The following KCNH8 variants were observed in gnomAD, a reference collection of about 807,000 sequenced individuals.
KCNH8 encodes voltage-gated delayed rectifier potassium channel KCNH8.
In KCNH8, 70 loss-of-function variants were observed where a neutral mutation model predicts 103.6. The observed-to-expected ratio is 0.68, with a 90% CI of 0.56 to 0.82. KCNH8 has a LOEUF of 0.82. Among genes scored for constraint, KCNH8 ranks in the 40% least tolerant of loss-of-function variants. The pLI is 0.00. For missense variants in KCNH8, 1,217 were observed against 1,329.9 expected (o/e 0.92, Z 1.32); for synonymous variants, 498 against 489.4 (o/e 1.02, Z -0.23).
At chr3:19,375,654 TCC>T (rs1281464716) in intron 5 of KCNH8, among the ~76,000 whole-genome samples, 3 of 152,250 alleles carry the variant, frequency 2.0e-5, no homozygotes, top group Non-Finnish European at 4.4e-5. Context: ...GGTGAGGAAC[TCC>T]GTTCCTTTGG....
intron 7 of KCNH8, among the ~76,000 whole-genome samples, chr3:19,435,969 T>C (rs1396354349): frequency 6.6e-6 from 1 of 151,992 alleles, no homozygotes; most frequent in Non-Finnish European, 1.5e-5. Flanking sequence ...ATCTAAAGAG[T>C]AAAATAATAA....
At chr3:19,182,961 T>C (rs976063419) in intron 1 of KCNH8, among the ~76,000 whole-genome samples, 4 of 152,222 alleles carry the variant, frequency 2.6e-5, no homozygotes, top group Non-Finnish European at 5.9e-5. Flanking sequence ...TGAATGATCT[T>C]GGATACAGAA....
chr3:19,277,658 A>C (rs572950964), intron 2 of KCNH8, among the ~76,000 whole-genome samples: 161 of 152,312 alleles, frequency 1.1e-3, no homozygotes, highest in Non-Finnish European at 2.1e-3. Context: ...CTTGTTTCCC[A>C]ATCAAGAAAA....
intron 11 of KCNH8, among the ~76,000 whole-genome samples, chr3:19,478,625 T>A (rs2125210974): frequency 6.6e-6 from 1 of 152,284 alleles, no homozygotes; most frequent in East Asian, 1.9e-4. Context: ...ACAAGCCAAA[T>A]GTGGCCAACT....
At chr3:19,211,673 C>G (rs1450186386) in intron 1 of KCNH8, among the ~76,000 whole-genome samples, 3 of 152,074 alleles carry the variant, frequency 2.0e-5, no homozygotes, top group Non-Finnish European at 2.9e-5. Flanking sequence ...TATTCTTTAA[C>G]ACATAGCCAG....
intron 3 of KCNH8, among the ~76,000 whole-genome samples, chr3:19,318,227 C>T (rs1439096610): frequency 6.6e-6 from 1 of 151,868 alleles, no homozygotes; most frequent in African/African-American, 2.4e-5. Flanking sequence ...AGTCCATTTT[C>T]ACATTGCTAT....
chr3:19,260,487 G>GAGATATAT (rs2064416559), intron 2 of KCNH8, among the ~76,000 whole-genome samples: 2 of 40,034 alleles, frequency 5.0e-5, no homozygotes, highest in East Asian at 1.6e-3. Context: ...TACTCTATAG[G>GAGATATAT]ATATATATAT....
intron 4 of KCNH8, chr3:19,346,774 C>G: frequency 4.6e-6 from 2 of 435,260 alleles, no homozygotes; most frequent in Non-Finnish European, 9.3e-6. Context: ...TCTGTTAATT[C>G]AACTAAACTT....
intron 1 of KCNH8, among the ~76,000 whole-genome samples, chr3:19,219,509 T>G (rs143679939): frequency 6.6e-6 from 1 of 152,308 alleles, no homozygotes; most frequent in East Asian, 1.9e-4. Flanking sequence ...AGCATTCCCA[T>G]TTTTCTTTGT....
intron 1 of KCNH8, among the ~76,000 whole-genome samples, chr3:19,248,051 A>G (rs2064228174): frequency 6.6e-6 from 1 of 152,190 alleles, no homozygotes; most frequent in African/African-American, 2.4e-5. Flanking sequence ...TAAAAGTTTT[A>G]CAGGCCCATA....
At chr3:19,184,502 C>T (rs2063484497) in intron 1 of KCNH8, among the ~76,000 whole-genome samples, 1 of 151,882 alleles carries the variant, frequency 6.6e-6, no homozygotes, top group African/African-American at 2.4e-5. Context: ...TAAAGAAAAA[C>T]TGAAAAATCT....
intron 1 of KCNH8, among the ~76,000 whole-genome samples, chr3:19,248,156 C>T (rs1233668798): frequency 6.6e-6 from 1 of 152,004 alleles, no homozygotes; most frequent in Non-Finnish European, 1.5e-5. Context: ...GATTTGAAAA[C>T]AATATCAGGC....
chr3:19,322,782 C>T (rs1348876920), intron 3 of KCNH8, among the ~76,000 whole-genome samples: 1 of 152,198 alleles, frequency 6.6e-6, no homozygotes, highest in African/African-American at 2.4e-5. Flanking sequence ...TCCCCTCTAA[C>T]ATGTTTTCCA....
At chr3:19,376,323 C>G (rs150515977) in intron 5 of KCNH8, among the ~76,000 whole-genome samples, 1 of 152,154 alleles carries the variant, frequency 6.6e-6, no homozygotes, top group Admixed American at 6.5e-5. Context: ...TGAAGCCGGT[C>G]GGAAAAGCGC....
intron 7 of KCNH8, among the ~76,000 whole-genome samples, chr3:19,403,361 AATATAT>A (rs57523893): frequency 0.014 from 1,697 of 124,492 alleles, 45 homozygotes; most frequent in East Asian, 0.064. Flanking sequence ...ATATGTAAAG[AATATAT>A]ATATATATAT....
chr3:19,426,415 T>A (rs1014265310), intron 7 of KCNH8, among the ~76,000 whole-genome samples: 2 of 151,958 alleles, frequency 1.3e-5, no homozygotes, highest in Non-Finnish European at 2.9e-5. Context: ...TAGGCAAGTG[T>A]GTAAATTAAA....
intron 1 of KCNH8, among the ~76,000 whole-genome samples, chr3:19,161,210 C>T (rs2063230733): frequency 6.6e-6 from 1 of 152,110 alleles, no homozygotes; most frequent in Non-Finnish European, 1.5e-5. Flanking sequence ...TGAACAGAAA[C>T]ATGTTCCAAT....
chr3:19,353,879 G>T (rs920807104), intron 5 of KCNH8, among the ~76,000 whole-genome samples: 1 of 152,138 alleles, frequency 6.6e-6, no homozygotes, highest in Non-Finnish European at 1.5e-5. Context: ...GGAAGTTCTG[G>T]CCAGGGCAAT....
At chr3:19,509,689 T>A (rs1005307074) in intron 11 of KCNH8, among the ~76,000 whole-genome samples, 7 of 152,224 alleles carry the variant, frequency 4.6e-5, no homozygotes, top group Non-Finnish European at 1.0e-4. Context: ...ATATCAACAC[T>A]GATTGGCAGC....
Sources: gnomAD v4.1 joint callset for allele counts (sites outside exome capture counted in the v4.1 genomes callset) on GRCh38, gnomAD v4.1.1 for gene constraint, MANE v1.5 for transcripts, NCBI Gene and HGNC (gene_info 2026-07-23, HGNC 2026-07-21) for gene names.